Variants in SYNPR observed in about 807,000 individuals in gnomAD.
The protein encoded by SYNPR is synaptoporin.
SYNPR carries 23 observed loss-of-function variants against 32.9 expected under a neutral mutation model. The ratio of observed to expected loss-of-function variants is 0.70; its 90% CI spans 0.50 to 0.99. The LOEUF (loss-of-function observed/expected upper bound fraction) is 0.99, where lower values mean the gene tolerates loss of function less well. Among genes scored for constraint, SYNPR ranks in the 50% least tolerant of loss-of-function variants. The probability of loss-of-function intolerance (pLI) is 0.00; values close to 1 mark genes in which losing one functional copy is unlikely to be tolerated. For missense variants in SYNPR, 318 were observed against 349.3 expected, an observed-to-expected ratio of 0.91 and a Z score of 0.71; for synonymous variants, 146 against 135.9, an observed-to-expected ratio of 1.07 and a Z score of -0.52.
At chr3:63,448,348 A>C (rs1349842826) in intron 2 of SYNPR, among the ~76,000 whole-genome samples, 1 of 152,226 alleles carries the variant, frequency 6.6e-6, no homozygotes, top group Non-Finnish European at 1.5e-5. Flanking sequence ...CCTTGTCTCA[A>C]TGTAGACTTA....
intron 2 of SYNPR, among the ~76,000 whole-genome samples, chr3:63,296,502 G>A (rs2106936363): frequency 6.6e-6 from 1 of 152,278 alleles, no homozygotes; most frequent in African/African-American, 2.4e-5. Context: ...TTGGTGTTTG[G>A]AAATTAACCT....
intron 3 of SYNPR, among the ~76,000 whole-genome samples, chr3:63,502,275 G>A (rs1321520465): frequency 1.3e-5 from 2 of 151,946 alleles, no homozygotes; most frequent in African/African-American, 2.4e-5. Flanking sequence ...AAAATGGAGA[G>A]GAAAGTACAG....
At chr3:63,364,446 G>A (rs1180423155) in intron 2 of SYNPR, among the ~76,000 whole-genome samples, 1 of 152,168 alleles carries the variant, frequency 6.6e-6, no homozygotes, top group African/African-American at 2.4e-5. Flanking sequence ...AGTCATACTA[G>A]AAGTATCAAT....
intron 2 of SYNPR, among the ~76,000 whole-genome samples, chr3:63,461,331 C>T (rs1700581698): frequency 6.6e-6 from 1 of 152,072 alleles, no homozygotes; most frequent in Non-Finnish European, 1.5e-5. Context: ...TTCTACATTA[C>T]CCAGCTCCTC....
At chr3:63,493,291 C>A (rs1403522134) in intron 3 of SYNPR, among the ~76,000 whole-genome samples, 1 of 152,094 alleles carries the variant, frequency 6.6e-6, no homozygotes, top group African/African-American at 2.4e-5. Context: ...AGTATTCAAA[C>A]TGACTCGCTA....
chr3:63,563,224 A>G (rs542854661), intron 4 of SYNPR, among the ~76,000 whole-genome samples: 1 of 152,294 alleles, frequency 6.6e-6, no homozygotes, highest in East Asian at 1.9e-4. Flanking sequence ...TTGTAAGATC[A>G]CAATTGCTAG....
intron 3 of SYNPR, among the ~76,000 whole-genome samples, chr3:63,522,495 A>G (rs188556253): frequency 6.6e-6 from 1 of 152,348 alleles, no homozygotes; most frequent in East Asian, 1.9e-4. Context: ...TCATATAATG[A>G]TTGTTACTAA....
At chr3:63,317,347 T>C (rs1368023917) in intron 2 of SYNPR, among the ~76,000 whole-genome samples, 3 of 151,986 alleles carry the variant, frequency 2.0e-5, no homozygotes, top group Non-Finnish European at 4.4e-5. Flanking sequence ...AGTCCCTCAC[T>C]ATTATTGTGT....
At chr3:63,370,818 G>A (rs1490633376) in intron 2 of SYNPR, among the ~76,000 whole-genome samples, 6 of 152,176 alleles carry the variant, frequency 3.9e-5, no homozygotes, top group African/African-American at 1.4e-4. Context: ...TGAGAACCTT[G>A]TAAAAATTTA....
chr3:63,558,832 G>T (rs1256447199), intron 4 of SYNPR, among the ~76,000 whole-genome samples: 1 of 150,896 alleles, frequency 6.6e-6, no homozygotes, highest in Non-Finnish European at 1.5e-5. Flanking sequence ...ATATAATAGG[G>T]TAATTAATAA....
intron 2 of SYNPR, among the ~76,000 whole-genome samples, chr3:63,304,445 G>A (rs1163395376): frequency 2.0e-5 from 3 of 151,596 alleles, no homozygotes; most frequent in Non-Finnish European, 4.4e-5. Flanking sequence ...TGTCTGAATT[G>A]CTATGAGCAA....
intron 2 of SYNPR, among the ~76,000 whole-genome samples, chr3:63,436,776 G>A (rs181098428): frequency 1.5e-4 from 23 of 152,246 alleles, no homozygotes; most frequent in Admixed American, 5.2e-4. Context: ...ATCTTTATTT[G>A]CCTCAAGCCA....
At chr3:63,415,300 T>C (rs866182074) in intron 2 of SYNPR, among the ~76,000 whole-genome samples, 6 of 152,316 alleles carry the variant, frequency 3.9e-5, no homozygotes, top group Middle Eastern at 3.4e-3. Context: ...ACCATGGAAA[T>C]AGGCAAATGC....
intron 2 of SYNPR, among the ~76,000 whole-genome samples, chr3:63,367,676 A>G (rs866484093): frequency 2.0e-5 from 3 of 152,176 alleles, no homozygotes; most frequent in Non-Finnish European, 4.4e-5. Flanking sequence ...TATAATTTAA[A>G]TAATTCATGA....
At chr3:63,431,118 A>G (rs1165451695) in intron 2 of SYNPR, among the ~76,000 whole-genome samples, 3 of 152,204 alleles carry the variant, frequency 2.0e-5, no homozygotes, top group Admixed American at 1.3e-4. Flanking sequence ...ATCTGTATTT[A>G]ATAATGTTGG....
chr3:63,301,170 C>A (rs756678545), intron 2 of SYNPR, among the ~76,000 whole-genome samples: 3 of 152,072 alleles, frequency 2.0e-5, no homozygotes, highest in Non-Finnish European at 4.4e-5. Context: ...CCTTCATCAT[C>A]TGTTACTTAT....
At chr3:63,237,507 T>A (rs1478357988) in intron 1 of SYNPR, among the ~76,000 whole-genome samples, 2 of 152,208 alleles carry the variant, frequency 1.3e-5, no homozygotes, top group African/African-American at 4.8e-5. Context: ...AAAATCCTTG[T>A]CATTTAATTC....
intron 2 of SYNPR, among the ~76,000 whole-genome samples, chr3:63,459,321 CT>C (rs1253038006): frequency 1.3e-5 from 2 of 152,028 alleles, no homozygotes; most frequent in African/African-American, 2.4e-5. Context: ...TTTCTCCATC[CT>C]TTTTGACTTT....
At chr3:63,363,897 A>G (rs1195373316) in intron 2 of SYNPR, among the ~76,000 whole-genome samples, 1 of 152,198 alleles carries the variant, frequency 6.6e-6, no homozygotes, top group Non-Finnish European at 1.5e-5. Flanking sequence ...CATTGCTTGC[A>G]TAATTATAAA....
Sources: gnomAD v4.1 joint callset for allele counts (sites outside exome capture counted in the v4.1 genomes callset) on GRCh38, gnomAD v4.1.1 for gene constraint, MANE v1.5 for transcripts, NCBI Gene and HGNC (gene_info 2026-07-23, HGNC 2026-07-21) for gene names.